RUNDC3B: variants seen among roughly 807,000 people sequenced by gnomAD.
RUNDC3B encodes RUN domain-containing protein 3B.
Under a neutral mutation model 58.4 loss-of-function variants are expected in RUNDC3B, and 33 were observed. That is an observed-to-expected ratio of 0.56 (90% CI 0.43 to 0.75). The LOEUF is 0.75. RUNDC3B is among the 30% of genes least tolerant of loss of function. The probability of loss-of-function intolerance (pLI) is 0.00; values close to 1 mark genes in which losing one functional copy is unlikely to be tolerated. For missense variants in RUNDC3B, 501 were observed against 535.7 expected, an observed-to-expected ratio of 0.94 and a Z score of 0.64; for synonymous variants, 193 against 195.2, an observed-to-expected ratio of 0.99 and a Z score of 0.10.
At chr7:87,687,189 T>C (rs1261065599) in intron 2 of RUNDC3B, among the ~76,000 whole-genome samples, 1 of 152,156 alleles carries the variant, frequency 6.6e-6, no homozygotes, top group African/African-American at 2.4e-5. Context: ...AGCTAGTTTT[T>C]CCCCCACAAC....
intron 2 of RUNDC3B, among the ~76,000 whole-genome samples, chr7:87,671,197 G>A (rs1825791064): frequency 6.6e-6 from 1 of 152,192 alleles, no homozygotes; most frequent in East Asian, 1.9e-4. Flanking sequence ...ACCTGTGGGA[G>A]ACGTACTGGC....
intron 4 of RUNDC3B, among the ~76,000 whole-genome samples, chr7:87,732,077 G>A (rs1831611435): frequency 6.6e-6 from 1 of 152,042 alleles, no homozygotes; most frequent in African/African-American, 2.4e-5. Flanking sequence ...CTGACTACAA[G>A]GCGGTAAAAC....
At chr7:87,665,716 A>G (rs1825161995) in intron 2 of RUNDC3B, among the ~76,000 whole-genome samples, 1 of 152,030 alleles carries the variant, frequency 6.6e-6, no homozygotes, top group Non-Finnish European at 1.5e-5. Context: ...AGTAGACCTC[A>G]GAGTTTGTTG....
intron 4 of RUNDC3B, among the ~76,000 whole-genome samples, 174 bp from the exon 5 acceptor site, chr7:87,739,617 T>C (rs1430770214): frequency 6.6e-6 from 1 of 152,082 alleles, no homozygotes; most frequent in Non-Finnish European, 1.5e-5. Context: ...TTTTGTCTCT[T>C]TATTTTGGTC....
intron 8 of RUNDC3B, among the ~76,000 whole-genome samples, chr7:87,799,083 AAAG>A (rs1177165498): frequency 5.9e-5 from 9 of 152,360 alleles, no homozygotes; most frequent in African/African-American, 2.2e-4. Flanking sequence ...TTAAATGAAT[AAAG>A]AAGAAGAAAT....
At chr7:87,707,244 T>G (rs1323663203) in intron 3 of RUNDC3B, among the ~76,000 whole-genome samples, 1 of 151,514 alleles carries the variant, frequency 6.6e-6, no homozygotes, top group Non-Finnish European at 1.5e-5. Context: ...TCAAGAAAAA[T>G]GAAAAAGACA....
chr7:87,742,269 C>T (rs1452759113), intron 6 of RUNDC3B, among the ~76,000 whole-genome samples: 1 of 152,050 alleles, frequency 6.6e-6, no homozygotes, highest in Non-Finnish European at 1.5e-5. Flanking sequence ...TGAGTAAGTT[C>T]TTCAGTGGTG....
chr7:87,727,808 A>T (rs1831328951), intron 4 of RUNDC3B, among the ~76,000 whole-genome samples: 1 of 152,178 alleles, frequency 6.6e-6, no homozygotes, highest in Non-Finnish European at 1.5e-5. Context: ...ATGAGCTCTT[A>T]CAAGTCTGAT....
intron 2 of RUNDC3B, among the ~76,000 whole-genome samples, chr7:87,663,025 A>G (rs992528883): frequency 6.6e-6 from 1 of 151,902 alleles, no homozygotes; most frequent in African/African-American, 2.4e-5. Flanking sequence ...ATAGTACTTG[A>G]TTTCTTTTTC....
At chr7:87,779,145 T>G (rs80071354) in intron 8 of RUNDC3B, among the ~76,000 whole-genome samples, 1,534 of 152,254 alleles carry the variant, frequency 0.01, 27 homozygotes, top group African/African-American at 0.035. Flanking sequence ...CAGTTGTCAA[T>G]TAAAGATATT....
chr7:87,731,084 A>G (rs1249910002), intron 4 of RUNDC3B, among the ~76,000 whole-genome samples: 4 of 152,258 alleles, frequency 2.6e-5, no homozygotes, highest in Admixed American at 6.5e-5. Context: ...GTCCTTTTTA[A>G]TACTTGGAAA....
chr7:87,760,215 G>A (rs1198410600), intron 6 of RUNDC3B, among the ~76,000 whole-genome samples: 2 of 151,858 alleles, frequency 1.3e-5, no homozygotes, highest in African/African-American at 4.8e-5. Flanking sequence ...GCCACATGTG[G>A]CATTCAGTAC....
intron 8 of RUNDC3B, among the ~76,000 whole-genome samples, chr7:87,779,872 G>T (rs2130886202): frequency 6.6e-6 from 1 of 151,920 alleles, no homozygotes; most frequent in South Asian, 2.1e-4. Flanking sequence ...CTATAAGTGA[G>T]AACATGAGGT....
In RUNDC3B at chr7:87,628,547, T is replaced by C. The variant is rs1584939547; in HGVS notation, c.-277T>C. 1 of 303,500 alleles carries C rather than the reference T, an allele frequency of 3.3e-6. No individual in the cohort carries two copies. Among genetic ancestry groups the C allele is most frequent in the Non-Finnish European group, 6.0e-6 (1 of 166,500 alleles). The allele number at this position is 303,500 out of a possible 1,614,324, so 18.8% of individuals were successfully genotyped here. On this transcript the variant is annotated 5_prime_UTR_variant, in exon 1 of 11. Coordinates refer to ENST00000394654, the MANE Select transcript of RUNDC3B (RefSeq NM_001134405.2). Reference sequence around the variant, plus strand: ...CCGACCCGCAGGCGCAGCCCGGCAGTCGGCGGCGCGCCGAGGGCGGAGGTG... The same window carrying C: ...CCGACCCGCAGGCGCAGCCCGGCAGCCGGCGGCGCGCCGAGGGCGGAGGTG...
intron 1 of RUNDC3B, among the ~76,000 whole-genome samples, chr7:87,646,558 G>C (rs1823023273): frequency 6.6e-6 from 1 of 152,110 alleles, no homozygotes; most frequent in South Asian, 2.1e-4. Context: ...TGCAGAGTTA[G>C]CTTTCTTATT....
chr7:87,758,052 G>T (rs930179210), intron 6 of RUNDC3B, among the ~76,000 whole-genome samples: 1 of 152,130 alleles, frequency 6.6e-6, no homozygotes. Flanking sequence ...AGTTGCAGTG[G>T]CTTATGCCTT....
At chr7:87,788,703 C>CTTT (rs5885597) in intron 8 of RUNDC3B, among the ~76,000 whole-genome samples, 11 of 128,282 alleles carry the variant, frequency 8.6e-5, no homozygotes, top group African/African-American at 1.7e-4. Context: ...CTTTTCAAAA[C>CTTT]TTTTTTTTTT....
chr7:87,710,324 C>T (rs1829960660), intron 3 of RUNDC3B, among the ~76,000 whole-genome samples: 1 of 152,004 alleles, frequency 6.6e-6, no homozygotes, highest in South Asian at 2.1e-4. Flanking sequence ...TCAGTATTAA[C>T]GTTCTGTCCC....
chr7:87,645,893 G>A (rs1024181136), intron 1 of RUNDC3B, among the ~76,000 whole-genome samples: 3 of 152,178 alleles, frequency 2.0e-5, no homozygotes, highest in Non-Finnish European at 4.4e-5. Flanking sequence ...ATTTTGGGTT[G>A]TGTTGGAGGG....
Sources: allele counts gnomAD v4.1 joint callset (sites outside exome capture counted in the v4.1 genomes callset), GRCh38; gene constraint gnomAD v4.1.1; transcripts MANE v1.5; gene names NCBI Gene and HGNC (gene_info 2026-07-23, HGNC 2026-07-21).